The following MICU3 variants were observed in gnomAD, a reference collection of about 807,000 sequenced individuals.
MICU3 encodes the protein calcium uptake protein 3, mitochondrial.
A neutral mutation model predicts 66.5 loss-of-function variants in MICU3; 62 were observed. That is an observed-to-expected ratio of 0.93 (90% confidence interval 0.76 to 1.15). The LOEUF is 1.15. MICU3 is among the 50% of genes most tolerant of loss of function. The probability of loss-of-function intolerance (pLI) is 0.00; values close to 1 mark genes in which losing one functional copy is unlikely to be tolerated. For missense variants in MICU3, 779 were observed against 664.4 expected (o/e 1.17, Z -1.90); for synonymous variants, 308 against 240.7 (o/e 1.28, Z -2.59).
chr8:17,049,060 T>C (rs2150561212), intron 1 of MICU3, among the ~76,000 whole-genome samples: 1 of 152,302 alleles, frequency 6.6e-6, no homozygotes, highest in African/African-American at 2.4e-5. Flanking sequence ...ACGTCAGCCG[T>C]TTTCTCTTCT....
intron 1 of MICU3, among the ~76,000 whole-genome samples, chr8:17,060,296 C>CTT (rs11345470): frequency 6.9e-6 from 1 of 145,566 alleles, no homozygotes; most frequent in South Asian, 2.2e-4. Flanking sequence ...AAACTGTTTA[C>CTT]TTTTTTTTTT....
chr8:17,068,353 C>A (rs1302136326), intron 2 of MICU3, among the ~76,000 whole-genome samples: 1 of 152,152 alleles, frequency 6.6e-6, no homozygotes, highest in African/African-American at 2.4e-5. Flanking sequence ...ATAAACCCTG[C>A]AAAACTCAAG....
At chr8:17,096,543 A>C (rs1800712133) in intron 8 of MICU3, among the ~76,000 whole-genome samples, 2 of 151,858 alleles carry the variant, frequency 1.3e-5, no homozygotes, top group African/African-American at 4.8e-5. Flanking sequence ...TTTTTCCTGC[A>C]GCAGTAGTTG....
At chr8:17,119,593 G>C (rs1162187227) in intron 14 of MICU3, among the ~76,000 whole-genome samples, 1 of 145,794 alleles carries the variant, frequency 6.9e-6, no homozygotes, top group Non-Finnish European at 1.5e-5. Context: ...TTCCCAAAGT[G>C]GTTCCTCAGC....
chr8:17,098,797 A>G (rs1055033749), intron 9 of MICU3, among the ~76,000 whole-genome samples: 9 of 151,796 alleles, frequency 5.9e-5, no homozygotes, highest in Admixed American at 5.3e-4. Context: ...TAGAATATAT[A>G]TATTTTAAAG....
chr8:17,088,220 A>G (rs1049318462), intron 7 of MICU3, among the ~76,000 whole-genome samples: 5 of 151,984 alleles, frequency 3.3e-5, no homozygotes, highest in Non-Finnish European at 7.4e-5. Flanking sequence ...CCCTCAGTAT[A>G]CTATTGACAA....
chr8:17,071,076 A>C (rs1819516978), intron 3 of MICU3, among the ~76,000 whole-genome samples: 1 of 152,160 alleles, frequency 6.6e-6, no homozygotes. Context: ...ATGTTTTTGG[A>C]CTGCAGTTGA....
intron 1 of MICU3, among the ~76,000 whole-genome samples, chr8:17,035,395 T>C (rs1478804763): frequency 6.6e-6 from 1 of 152,176 alleles, no homozygotes; most frequent in African/African-American, 2.4e-5. Context: ...CACAAAAATA[T>C]GGGAAAGTTT....
At chr8:17,091,417 A>G (rs1011244280) in intron 8 of MICU3, among the ~76,000 whole-genome samples, 2 of 152,078 alleles carry the variant, frequency 1.3e-5, no homozygotes, top group African/African-American at 4.8e-5. Context: ...CCTTGAATTC[A>G]GGGTTACTGA....
chr8:17,105,724 G>T (rs764243398), intron 11 of MICU3, 140 bp downstream of exon 11: 9 of 444,592 alleles, frequency 2.0e-5, no homozygotes, highest in South Asian at 2.0e-4. Context: ...TGTCCTAAAT[G>T]CTCTGGCTAC....
At chr8:17,073,934 C>T (rs529393404) in intron 3 of MICU3, among the ~76,000 whole-genome samples, 33 of 152,178 alleles carry the variant, frequency 2.2e-4, no homozygotes, top group South Asian at 1.0e-3. Flanking sequence ...ATTTAAAGTG[C>T]AAATACCTTT....
chr8:17,080,314 C>T (rs942510715), intron 4 of MICU3, among the ~76,000 whole-genome samples: 1 of 152,072 alleles, frequency 6.6e-6, no homozygotes, highest in Non-Finnish European at 1.5e-5. Flanking sequence ...AGACAAACGC[C>T]TACCATGATA....
chr8:17,056,941 C>T (rs995492761), intron 1 of MICU3, among the ~76,000 whole-genome samples: 8 of 152,170 alleles, frequency 5.3e-5, no homozygotes, highest in African/African-American at 7.2e-5. Flanking sequence ...AAAATATTCC[C>T]GGAGCTGGCC....
intron 1 of MICU3, among the ~76,000 whole-genome samples, chr8:17,060,189 A>G (rs776931038): frequency 4.6e-5 from 7 of 152,184 alleles, no homozygotes; most frequent in East Asian, 1.9e-4. Context: ...TTCACTCTCC[A>G]TCCTGTCTCA....
chr8:17,065,242 A>G (rs900194736), intron 2 of MICU3, among the ~76,000 whole-genome samples: 2 of 152,160 alleles, frequency 1.3e-5, no homozygotes, highest in African/African-American at 4.8e-5. Flanking sequence ...TTTTTCCTCC[A>G]GAGACAGCAA....
chr8:17,032,350 A>G (rs1409662009), intron 1 of MICU3, among the ~76,000 whole-genome samples: 2 of 152,222 alleles, frequency 1.3e-5, no homozygotes, highest in Admixed American at 1.3e-4. Context: ...TTAGTGGGAA[A>G]AAATTTTGTT....
the MICU3 span, among the ~76,000 whole-genome samples, chr8:17,128,318 A>T: frequency 6.6e-6 from 1 of 152,090 alleles, no homozygotes; most frequent in Non-Finnish European, 1.5e-5. Context: ...CATGATAATC[A>T]AGCATAAACT....
At chr8:17,030,401 A>G (rs1185263213) in intron 1 of MICU3, among the ~76,000 whole-genome samples, 1 of 152,232 alleles carries the variant, frequency 6.6e-6, no homozygotes, top group Non-Finnish European at 1.5e-5. Flanking sequence ...TCCAAATGTC[A>G]GTATTTTACA....
intron 3 of MICU3, among the ~76,000 whole-genome samples, chr8:17,077,017 C>T (rs956502916): frequency 1.3e-5 from 2 of 152,148 alleles, no homozygotes; most frequent in Non-Finnish European, 2.9e-5. Context: ...TTCACTTAGT[C>T]GTTTTTAACA....
Sources: gnomAD v4.1 joint callset for allele counts (sites outside exome capture counted in the v4.1 genomes callset) on GRCh38, gnomAD v4.1.1 for gene constraint, MANE v1.5 for transcripts, NCBI Gene and HGNC (gene_info 2026-07-23, HGNC 2026-07-21) for gene names.